Variants in FBXL13 observed in about 807,000 individuals in gnomAD.
FBXL13 encodes F-box and leucine-rich repeat protein 13.
FBXL13 carries 67 observed loss-of-function variants against 83.6 expected under a neutral mutation model. The observed-to-expected ratio is 0.80, with a 90% CI of 0.66 to 0.98. The LOEUF is 0.98. Among genes scored for constraint, FBXL13 ranks in the 50% least tolerant of loss-of-function variants. FBXL13 has a pLI of 0.00. For synonymous variants in FBXL13, 272 were observed against 299.5 expected, an observed-to-expected ratio of 0.91 and a Z score of 0.95; for missense variants, 822 against 866.5, an observed-to-expected ratio of 0.95 and a Z score of 0.64.
chr7:103,069,205 TG>T (rs1798690016), intron 1 of FBXL13, among the ~76,000 whole-genome samples: 1 of 152,098 alleles, frequency 6.6e-6, no homozygotes, highest in South Asian at 2.1e-4. Flanking sequence ...CCCCACAGTC[TG>T]GGAAGAGAGG....
rs140926747 is a variant in FBXL13 at position 103,059,515 on chromosome 7, G to C, written c.-104-3768C>G. 8.8e-4 allele frequency among the ~76,000 whole-genome samples: 134 copies of C among 152,190 alleles called. 1 individual carries two copies. The highest frequency in any genetic ancestry group is 3.2e-3 in the African/African-American group (132 of 41,510). ...AAACATTCCCATAAGATTAACGTTT[G>C]ACTCTCAAAAACATTAATCAGGGCC... is the stretch of plus-strand genomic sequence containing the variant. On this transcript the variant is annotated intron_variant, in intron 1 of 19. Transcript: ENST00000313221.
chr7:102,882,290 AGCTTAGATTATTAT>A (rs1419869458), intron 14 of FBXL13, among the ~76,000 whole-genome samples: 1 of 152,148 alleles, frequency 6.6e-6, no homozygotes, highest in Non-Finnish European at 1.5e-5. Context: ...GATTTTGTGT[AGCTTAGATTATTAT>A]GCTGACTTGT....
At chr7:103,060,020 T>TTATACA (rs1797707006) in intron 1 of FBXL13, among the ~76,000 whole-genome samples, 1 of 50,070 alleles carries the variant, frequency 2.0e-5, no homozygotes, top group Non-Finnish European at 4.0e-5. Flanking sequence ...GCAAGATATT[T>TTATACA]TATATATATA....
chr7:102,853,198 T>C (rs1805521960), intron 17 of FBXL13, among the ~76,000 whole-genome samples: 1 of 152,016 alleles, frequency 6.6e-6, no homozygotes, highest in Non-Finnish European at 1.5e-5. Flanking sequence ...GAGTGAGGAA[T>C]AAAAGACTAC....
At chr7:102,909,888 G>A (rs1814371421) in intron 11 of FBXL13, among the ~76,000 whole-genome samples, 1 of 152,182 alleles carries the variant, frequency 6.6e-6, no homozygotes, top group Non-Finnish European at 1.5e-5. Flanking sequence ...TCCCTTGGCT[G>A]CTCCAGCTGG....
chr7:102,938,920 CA>C (rs1820848411), intron 8 of FBXL13, among the ~76,000 whole-genome samples: 2 of 152,194 alleles, frequency 1.3e-5, no homozygotes, highest in Admixed American at 1.3e-4. Flanking sequence ...ATGGATTCTG[CA>C]GTTTATATTC....
In FBXL13 at chr7:103,028,584, C is replaced by G. The variant is rs201360110; in HGVS notation, c.217+16G>C. Reference sequence around the variant, plus strand: ...AAATGGATACAAAAAGTAATTGCTACTATGTAAGAATTTACTTTTAAGTTT... The same window carrying G: ...AAATGGATACAAAAAGTAATTGCTAGTATGTAAGAATTTACTTTTAAGTTT... On this transcript the variant is annotated intron_variant, in intron 4 of 19. Coordinates refer to ENST00000313221, the Ensembl canonical transcript of FBXL13. 2 of 1,505,698 alleles carry G rather than the reference C, an allele frequency of 1.3e-6. No homozygotes were observed. Among genetic ancestry groups the G allele is most frequent in the East Asian group, 4.9e-5 (2 of 41,084 alleles). The allele number at this position is 1,505,698 out of a possible 1,614,324, so 93.3% of individuals were successfully genotyped here. A position where few individuals can be genotyped will look rare whatever the true frequency, so the allele number is the denominator to read the frequency against.
intron 18 of FBXL13, among the ~76,000 whole-genome samples, chr7:102,829,439 C>A (rs1377423214): frequency 6.6e-6 from 1 of 152,198 alleles, no homozygotes; most frequent in Non-Finnish European, 1.5e-5. Context: ...CTCAGAGGTG[C>A]ATTGCAGAGA....
intron 6 of FBXL13, among the ~76,000 whole-genome samples, chr7:102,986,930 C>CAT (rs1330401880): frequency 6.6e-6 from 1 of 151,284 alleles, no homozygotes; most frequent in East Asian, 1.9e-4. Context: ...CACACACACA[C>CAT]ACACACACAC....
intron 11 of FBXL13, among the ~76,000 whole-genome samples, chr7:102,898,972 A>T (rs1273108113): frequency 6.6e-6 from 1 of 152,176 alleles, no homozygotes; most frequent in African/African-American, 2.4e-5. Context: ...GCTGAAGTGC[A>T]GTGGCACAAT....
At chr7:102,900,322 A>C (rs1812805641) in intron 11 of FBXL13, among the ~76,000 whole-genome samples, 1 of 152,206 alleles carries the variant, frequency 6.6e-6, no homozygotes, top group South Asian at 2.1e-4. Context: ...CGCAGTGCCC[A>C]GTATGCATCA....
In FBXL13 at chr7:103,014,107, A is replaced by G. The variant is rs528307071; in HGVS notation, c.495+10956T>C. Among the ~76,000 whole-genome samples, 353 of 152,344 alleles carry G rather than the reference A, an allele frequency of 2.3e-3. 3 individuals are homozygous for G. Among genetic ancestry groups the G allele is most frequent in the South Asian group, 7.5e-3 (36 of 4,832 alleles). On this transcript the variant is annotated intron_variant, in intron 6 of 19. Transcript: ENST00000313221. The stretch of plus-strand genomic sequence containing the variant: ...CGAGGAAGAGATTAAATCCCTGTAC[A>G]GACTAATATTGAGTTCCAAAATCAA...
chr7:102,945,275 G>A (rs550472025), intron 8 of FBXL13, among the ~76,000 whole-genome samples: 1 of 152,296 alleles, frequency 6.6e-6, no homozygotes, highest in African/African-American at 2.4e-5. Context: ...GCTGTAGATG[G>A]TGTGAAGCAT....
At chr7:102,823,166 A>G (rs1364526319) in intron 18 of FBXL13, among the ~76,000 whole-genome samples, 2 of 152,214 alleles carry the variant, frequency 1.3e-5, no homozygotes, top group Non-Finnish European at 1.5e-5. Context: ...ATTTTTTAGT[A>G]ATACCTGTCA....
chr7:102,973,518 T>G (rs1243983475), intron 6 of FBXL13: 2 of 763,938 alleles, frequency 2.6e-6, no homozygotes, highest in East Asian at 4.8e-5. Flanking sequence ...TTAGCCTGCC[T>G]GCACCCAGGC....
chr7:103,027,093 A>G (rs1794008364), intron 5 of FBXL13, among the ~76,000 whole-genome samples: 1 of 152,176 alleles, frequency 6.6e-6, no homozygotes, highest in Admixed American at 6.5e-5. Context: ...CACGAGTTCA[A>G]GACCAGCCTA....
At chr7:102,889,232 C>T (rs1030256255) in intron 11 of FBXL13, among the ~76,000 whole-genome samples, 6 of 152,078 alleles carry the variant, frequency 3.9e-5, no homozygotes, top group South Asian at 4.1e-4. Context: ...TTCCTCACAA[C>T]GTGGCCCCAG....
intron 6 of FBXL13, among the ~76,000 whole-genome samples, chr7:102,970,185 C>T (rs750130379): frequency 9.3e-5 from 14 of 150,536 alleles, no homozygotes; most frequent in East Asian, 2.0e-4. Context: ...TGGGAGGCTG[C>T]GGCTGCAGTA....
intron 9 of FBXL13, among the ~76,000 whole-genome samples, chr7:102,928,712 C>T (rs1386948383): frequency 6.6e-6 from 1 of 152,178 alleles, no homozygotes; most frequent in Non-Finnish European, 1.5e-5. Flanking sequence ...CAACACCTAG[C>T]AGAACACATT....
Sources: allele counts gnomAD v4.1 joint callset (sites outside exome capture counted in the v4.1 genomes callset), GRCh38; gene constraint gnomAD v4.1.1; transcripts MANE v1.5; gene names NCBI Gene and HGNC (gene_info 2026-07-23, HGNC 2026-07-21).